The following NSG2 variants were observed in gnomAD, a reference collection of about 807,000 sequenced individuals.
NSG2 encodes neuronal vesicle trafficking associated 2, also known as neuronal vesicle trafficking-associated protein 2.
In NSG2, 4 loss-of-function variants were observed where a neutral mutation model predicts 16.9. The ratio of observed to expected loss-of-function variants is 0.24; its 90% CI spans 0.12 to 0.54. The LOEUF is 0.54. NSG2 is among the 20% of genes least tolerant of loss of function. The pLI is 0.95. For synonymous variants in NSG2, 98 were observed against 88.7 expected (o/e 1.11, Z -0.59); for missense variants, 179 against 221.1 (o/e 0.81, Z 1.21).
At chr5:174,085,975 A>G (rs550947695) in intron 3 of NSG2, among the ~76,000 whole-genome samples, 28 of 152,194 alleles carry the variant, frequency 1.8e-4, no homozygotes, top group Non-Finnish European at 2.8e-4. Flanking sequence ...GGGATGCTCA[A>G]TGAATATTAG....
chr5:174,078,440 C>T (rs149568239), intron 3 of NSG2, among the ~76,000 whole-genome samples: 2 of 152,168 alleles, frequency 1.3e-5, no homozygotes, highest in Non-Finnish European at 2.9e-5. Flanking sequence ...GATCCTTTTT[C>T]TTCCTGTTAA....
intron 3 of NSG2, among the ~76,000 whole-genome samples, chr5:174,070,735 G>A (rs899643899): frequency 2.0e-5 from 3 of 152,102 alleles, no homozygotes; most frequent in African/African-American, 7.2e-5. Context: ...CTGGATTTGG[G>A]GCCTCCTCTG....
At chr5:174,085,991 TCTC>T (rs1036145424) in intron 3 of NSG2, among the ~76,000 whole-genome samples, 8 of 152,268 alleles carry the variant, frequency 5.3e-5, no homozygotes, top group Non-Finnish European at 5.9e-5. Flanking sequence ...ATTAGGTCCT[TCTC>T]CTCTACATTC....
intron 3 of NSG2, among the ~76,000 whole-genome samples, chr5:174,074,076 C>T (rs1760291168): frequency 1.3e-5 from 2 of 152,094 alleles, no homozygotes; most frequent in African/African-American, 2.4e-5. Context: ...TACAAATCTC[C>T]TCCTCTCCCC....
chr5:174,087,763 G>A (rs1174331740), intron 3 of NSG2, among the ~76,000 whole-genome samples: 2 of 151,822 alleles, frequency 1.3e-5, no homozygotes, highest in Non-Finnish European at 2.9e-5. Flanking sequence ...ACTCCAGACT[G>A]GGTAACAGAG....
intron 3 of NSG2, among the ~76,000 whole-genome samples, chr5:174,094,089 C>T (rs1049451259): frequency 6.6e-5 from 10 of 152,096 alleles, no homozygotes; most frequent in Admixed American, 1.3e-4. Flanking sequence ...TGTATCACAA[C>T]GCCAATTAAG....
chr5:174,078,697 A>G (rs916923165), intron 3 of NSG2, among the ~76,000 whole-genome samples: 1 of 152,218 alleles, frequency 6.6e-6, no homozygotes, highest in Non-Finnish European at 1.5e-5. Context: ...TGGAGCTCTC[A>G]TGAATGGGCT....
chr5:174,061,158 TACAC>T (rs1354820175), intron 2 of NSG2, among the ~76,000 whole-genome samples: 1 of 152,134 alleles, frequency 6.6e-6, no homozygotes, highest in African/African-American at 2.4e-5. Flanking sequence ...CATATATACA[TACAC>T]ACATGCATGG....
chr5:174,073,886 G>A (rs565002198), intron 3 of NSG2, among the ~76,000 whole-genome samples: 1 of 152,320 alleles, frequency 6.6e-6, no homozygotes, highest in South Asian at 2.1e-4. Flanking sequence ...TGTAGAAGAA[G>A]ACTTCTAGGG....
At chr5:174,074,034 G>A (rs1238111759) in intron 3 of NSG2, among the ~76,000 whole-genome samples, 1 of 152,038 alleles carries the variant, frequency 6.6e-6, no homozygotes, top group African/African-American at 2.4e-5. Flanking sequence ...AATCATGGTG[G>A]GAGTGTTTAC....
At chr5:174,103,492 G>A (rs112181235) in intron 3 of NSG2, among the ~76,000 whole-genome samples, 3 of 152,224 alleles carry the variant, frequency 2.0e-5, no homozygotes, top group African/African-American at 7.2e-5. Flanking sequence ...CCAAGTAGAG[G>A]CGAAAGAAGC....
intron 2 of NSG2, among the ~76,000 whole-genome samples, chr5:174,060,157 A>C (rs1244335592): frequency 1.3e-5 from 2 of 152,206 alleles, no homozygotes; most frequent in African/African-American, 4.8e-5. Context: ...TATTATGAGA[A>C]TAAAAATGAT....
intron 1 of NSG2, among the ~76,000 whole-genome samples, chr5:174,046,331 G>A (rs1015213835): frequency 6.6e-6 from 1 of 150,846 alleles, no homozygotes; most frequent in African/African-American, 2.5e-5. Flanking sequence ...AGAGTGGTGA[G>A]GTGAAATTTA....
chr5:174,100,095 G>C (rs1760875972), intron 3 of NSG2, among the ~76,000 whole-genome samples: 1 of 152,258 alleles, frequency 6.6e-6, no homozygotes, highest in Admixed American at 6.5e-5. Context: ...CCTCCATTGA[G>C]CCTAATTCTG....
At chr5:174,075,337 A>G (rs1386711579) in intron 3 of NSG2, among the ~76,000 whole-genome samples, 1 of 152,180 alleles carries the variant, frequency 6.6e-6, no homozygotes, top group African/African-American at 2.4e-5. Flanking sequence ...GGTTATGTGT[A>G]TGTGTGTGCA....
intron 3 of NSG2, among the ~76,000 whole-genome samples, chr5:174,075,307 C>A (rs68108116): frequency 1.3e-5 from 2 of 151,830 alleles, no homozygotes; most frequent in Non-Finnish European, 2.9e-5. Flanking sequence ...TGACCCAGAG[C>A]GGTATGTGCA....
At chr5:174,061,707 G>C (rs1372114170) in intron 2 of NSG2, among the ~76,000 whole-genome samples, 1 of 152,032 alleles carries the variant, frequency 6.6e-6, no homozygotes, top group African/African-American at 2.4e-5. Flanking sequence ...GGGTTCAAGT[G>C]ATTCTCCTGC....
At chr5:174,097,159 C>A (rs2113471739) in intron 3 of NSG2, among the ~76,000 whole-genome samples, 1 of 152,192 alleles carries the variant, frequency 6.6e-6, no homozygotes, top group African/African-American at 2.4e-5. Flanking sequence ...TGACTGTAGT[C>A]CCGGCACATC....
intron 4 of NSG2, among the ~76,000 whole-genome samples, chr5:174,106,179 TG>T (rs1380129411): frequency 5.9e-5 from 9 of 152,192 alleles, no homozygotes; most frequent in Admixed American, 5.9e-4. Flanking sequence ...TTAATAAAAA[TG>T]GTTCATCAGG....
Sources: allele counts gnomAD v4.1 joint callset (sites outside exome capture counted in the v4.1 genomes callset), GRCh38; gene constraint gnomAD v4.1.1; transcripts MANE v1.5; gene names NCBI Gene and HGNC (gene_info 2026-07-23, HGNC 2026-07-21).